The following TSPEAR variants were observed in gnomAD, a reference collection of about 807,000 sequenced individuals.
TSPEAR encodes the protein thrombospondin type laminin G domain and EAR repeats.
Under a neutral mutation model 71.6 loss-of-function variants are expected in TSPEAR, and 69 were observed. That is an observed-to-expected ratio of 0.96 (90% CI 0.79 to 1.18). TSPEAR has a LOEUF of 1.18. TSPEAR is among the 50% of genes most tolerant of loss of function. TSPEAR has a pLI of 0.00. For synonymous variants in TSPEAR, 402 were observed against 387.2 expected (o/e 1.04, Z -0.45); for missense variants, 971 against 894.9 (o/e 1.09, Z -1.09).
intron 4 of TSPEAR, among the ~76,000 whole-genome samples, chr21:44,530,171 C>G (rs2052938532): frequency 6.7e-6 from 1 of 150,000 alleles, no homozygotes. Flanking sequence ...GGGAACTGAA[C>G]CACAGAAGGG....
At chr21:44,691,137 C>T (rs1987106893) in intron 1 of TSPEAR, among the ~76,000 whole-genome samples, 1 of 151,864 alleles carries the variant, frequency 6.6e-6, no homozygotes, top group Non-Finnish European at 1.5e-5. Flanking sequence ...CCCAGCTCAC[C>T]CCCTTACCTA....
In TSPEAR at chr21:44,628,074, C is replaced by T. The variant is rs782214697; in HGVS notation, c.83-60069G>A. On this transcript the variant is annotated intron_variant, in intron 1 of 11. Coordinates refer to ENST00000323084, the MANE Select transcript of TSPEAR (RefSeq NM_144991.3). ...GACGGTCATGTCCCCCAGGGCCAGC[C>T]GGGCTCAGGCCCCACCTCCCTGCCA... is the stretch of plus-strand genomic sequence containing the variant. 94 of 1,595,256 alleles carry T rather than the reference C, an allele frequency of 5.9e-5. 1 individual carries two copies. Among genetic ancestry groups the T allele is most frequent in the Middle Eastern group, 3.4e-4 (2 of 5,944 alleles).
Position 44,509,591 on chromosome 21 carries a change from G to C in TSPEAR, c.1567-205C>G, listed in dbSNP as rs587676153. On this transcript the variant is annotated intron_variant, in intron 9 of 11. Transcript: ENST00000323084. ...GAGGTGTGGGAGAGCGGGCGCAGAG[G>C]TGTGAGTGAGCAGCACTCTCCCTGG... Among the ~76,000 whole-genome samples, 212 of 151,800 alleles carry C rather than the reference G, an allele frequency of 1.4e-3. 7 individuals are homozygous for C. The highest frequency in any genetic ancestry group is 0.013 in the Admixed American group (197 of 15,286).
rs1985256110 is a variant in TSPEAR at position 44,658,017 on chromosome 21, C to T, written c.82+53416G>A. On this transcript the variant is annotated intron_variant, in intron 1 of 11. Transcript: ENST00000323084. ...AGCTGCTCCCCAGCCTGCCAGCCAACCTGCTGCATACACAGCCCCTGCCAG... is the reference window on the plus strand; with the variant it reads ...AGCTGCTCCCCAGCCTGCCAGCCAATCTGCTGCATACACAGCCCCTGCCAG... 3 of 1,613,842 alleles carry T rather than the reference C, an allele frequency of 1.9e-6. No homozygotes were observed. In the Admixed American group the frequency reaches 5.0e-5, roughly 27 times the overall value.
chr21:44,650,011 C>T (rs1282048995), intron 1 of TSPEAR, among the ~76,000 whole-genome samples: 1 of 152,100 alleles, frequency 6.6e-6, no homozygotes, highest in African/African-American at 2.4e-5. Flanking sequence ...CACTCGAGCC[C>T]AGGAGTTCGA....
chr21:44,576,708 T>C (rs1163861263), intron 1 of TSPEAR, among the ~76,000 whole-genome samples: 1 of 152,190 alleles, frequency 6.6e-6, no homozygotes, highest in Non-Finnish European at 1.5e-5. Context: ...CCTTTGTGTC[T>C]TTACCAAACC....
At chr21:44,522,156 C>A in intron 8 of TSPEAR, 44 bp from the exon 9 acceptor site, 1 of 1,582,056 alleles carries the variant, frequency 6.3e-7, no homozygotes, top group Non-Finnish European at 8.7e-7. Context: ...GCAGATTCCA[C>A]AGCCCCATGG....
At chr21:44,568,734 C>T (rs1369273985) in intron 1 of TSPEAR, among the ~76,000 whole-genome samples, 1 of 152,152 alleles carries the variant, frequency 6.6e-6, no homozygotes, top group African/African-American at 2.4e-5. Flanking sequence ...ATGCCTGGAC[C>T]CTCCTCAGCT....
Position 44,567,997 on chromosome 21 carries a change from G to C in TSPEAR, c.91C>G (p.Pro31Ala), listed in dbSNP as rs782198045. The change falls in exon 2 of 12, where the codon CCC becomes GCC. Residue 31 changes from proline (P) to alanine (A), a missense_variant. Transcript: ENST00000323084. The part of the protein sequence containing the change: ...QGWEPCTDLR[P>A]LDILAEVVPS... Reference sequence around the variant, plus strand: ...ACCACTTCCGCCAGGATGTCCAGGGGGCGCAGGTCTGTGGCAAAGAAATCA... The same window carrying C: ...ACCACTTCCGCCAGGATGTCCAGGGCGCGCAGGTCTGTGGCAAAGAAATCA... The C allele has an allele frequency of 1.3e-6, 2 of 1,529,140 alleles. No individual in the cohort carries two copies. Among genetic ancestry groups the C allele is most frequent in the South Asian group, 2.5e-5 (2 of 78,440 alleles). The allele number at this position is 1,529,140 out of a possible 1,614,324, so 94.7% of individuals were successfully genotyped here.
intron 10 of TSPEAR, 159 bp downstream of exon 10, chr21:44,509,040 T>C (rs781973770): frequency 4.3e-6 from 6 of 1,391,650 alleles, no homozygotes; most frequent in Non-Finnish European, 5.9e-6. Flanking sequence ...CCCAGGCCAT[T>C]CTTTCCACAG....
chr21:44,660,911 G>A (rs1283759410), intron 1 of TSPEAR, among the ~76,000 whole-genome samples: 2 of 152,002 alleles, frequency 1.3e-5, no homozygotes, highest in Non-Finnish European at 1.5e-5. Flanking sequence ...AGGTTGCAGT[G>A]AGCCAAGATC....
chr21:44,672,581 A>G (rs587728932), intron 1 of TSPEAR, among the ~76,000 whole-genome samples: 6,000 of 152,274 alleles, frequency 0.039, 128 homozygotes, highest in Middle Eastern at 0.085. Flanking sequence ...AAACAAAAAA[A>G]AAAGAAAACC....
At chr21:44,657,681 T>C (rs1465366280) in intron 1 of TSPEAR, among the ~76,000 whole-genome samples, 4 of 152,218 alleles carry the variant, frequency 2.6e-5, no homozygotes, top group Admixed American at 6.5e-5. Context: ...AGTGGTGCTA[T>C]GTGCACGGTA....
intron 1 of TSPEAR, among the ~76,000 whole-genome samples, chr21:44,643,925 G>T (rs892495379): frequency 1.3e-5 from 2 of 152,230 alleles, no homozygotes; most frequent in Non-Finnish European, 2.9e-5. Context: ...CCAGCATTGT[G>T]CTGGGCAGCC....
intron 1 of TSPEAR, among the ~76,000 whole-genome samples, chr21:44,661,997 G>A (rs1985522378): frequency 1.3e-5 from 2 of 152,122 alleles, no homozygotes; most frequent in Non-Finnish European, 2.9e-5. Flanking sequence ...TATACAAAAA[G>A]TAGATATAAA....
chr21:44,700,335 G>A (rs1469632242), intron 1 of TSPEAR, among the ~76,000 whole-genome samples: 3 of 152,120 alleles, frequency 2.0e-5, no homozygotes, highest in South Asian at 2.1e-4. Context: ...AGGGAGAGCC[G>A]TTCCTCTGTC....
intron 1 of TSPEAR, among the ~76,000 whole-genome samples, chr21:44,628,726 G>T (rs2078969425): frequency 6.6e-6 from 1 of 152,148 alleles, no homozygotes; most frequent in Non-Finnish European, 1.5e-5. Flanking sequence ...GCTGGGAGGT[G>T]GGAGACGGGC....
chr21:44,692,298 G>A (rs1987154303), intron 1 of TSPEAR, among the ~76,000 whole-genome samples: 1 of 152,168 alleles, frequency 6.6e-6, no homozygotes, highest in Non-Finnish European at 1.5e-5. Context: ...TTAGGAACAA[G>A]ACAGGATGTC....
At chr21:44,519,533 C>T (rs2145955633) in intron 9 of TSPEAR, 2 of 152,472 alleles carry the variant, frequency 1.3e-5, no homozygotes, top group Middle Eastern at 3.4e-3. Flanking sequence ...TAACCCATGA[C>T]CGAAGGCTCC....
Sources: allele counts gnomAD v4.1 joint callset (sites outside exome capture counted in the v4.1 genomes callset), GRCh38; gene constraint gnomAD v4.1.1; transcripts MANE v1.5; gene names NCBI Gene and HGNC (gene_info 2026-07-23, HGNC 2026-07-21).